The following ZNF77 variants were observed in gnomAD, a reference collection of about 807,000 sequenced individuals.
ZNF77 encodes the protein zinc finger protein 77.
A neutral mutation model predicts 13.5 loss-of-function variants in ZNF77; 15 were observed. The ratio of observed to expected loss-of-function variants is 1.11; its 90% CI spans 0.74 to 1.71. ZNF77 has a LOEUF of 1.71. Among genes scored for constraint, ZNF77 ranks in the 40% most tolerant of loss-of-function variants. The probability of loss-of-function intolerance (pLI) is 0.00; values close to 1 mark genes in which losing one functional copy is unlikely to be tolerated. For synonymous variants in ZNF77, 282 were observed against 250.0 expected (o/e 1.13, Z -1.21); for missense variants, 717 against 676.4 (o/e 1.06, Z -0.67).
At chr19:2,937,165 T>A (rs2088405037) in intron 2 of ZNF77, among the ~76,000 whole-genome samples, 1 of 151,898 alleles carries the variant, frequency 6.6e-6, no homozygotes, top group Non-Finnish European at 1.5e-5. Context: ...CTGCAGCCTG[T>A]GTGACAGAGT....
chr19:2,933,568 T>C lies in ZNF77; in HGVS notation c.1559A>G (p.Tyr520Cys), dbSNP rs1158296460. 3 of 1,613,154 alleles carry C rather than the reference T, an allele frequency of 1.9e-6. No individual in the cohort carries two copies. The highest frequency in any genetic ancestry group is 4.5e-5 in the East Asian group (2 of 44,848). The change falls in exon 4 of 4, where the codon TAT becomes TGT. Residue 520 changes from tyrosine (Y) to cysteine (C), a missense_variant. Physicochemically the swap from Tyr to Cys is radical, Grantham distance 194. Coordinates refer to ENST00000314531, the MANE Select transcript of ZNF77 (RefSeq NM_021217.3). ...HVRTHTGERP[Y>C]ECKQCGKTFR... ...GGTTTTCCCACACTGCTTGCATTCA[T>C]ACGGTCTCTCTCCAGTGTGCGTTCT... is the stretch of plus-strand genomic sequence containing the variant.
At chr19:2,942,574 A>G (rs2088459688) in intron 1 of ZNF77, among the ~76,000 whole-genome samples, 1 of 151,874 alleles carries the variant, frequency 6.6e-6, no homozygotes, top group South Asian at 2.1e-4. Context: ...AACAATACCA[A>G]TGCTGAGCTG....
chr19:2,936,764 C>T lies in ZNF77; in HGVS notation c.131-60G>A, dbSNP rs919993573. On this transcript the variant is annotated intron_variant, in intron 2 of 3. Transcript: ENST00000314531. ...ATATGTTGGGATAAAGGAAATAGAC[C>T]ACATACGGATTTCTTTTCATATAGT... 27 of 1,474,602 alleles carry T rather than the reference C, an allele frequency of 1.8e-5. No homozygotes were observed. In the Admixed American group the frequency reaches 4.0e-4, roughly 22 times the overall value. 91.3% of individuals were successfully genotyped at this position (1,474,602 alleles called of 1,614,324 possible). A position where few individuals can be genotyped will look rare whatever the true frequency, so the allele number is the denominator to read the frequency against.
chr19:2,938,686 G>A (rs957921724), intron 2 of ZNF77, among the ~76,000 whole-genome samples: 3 of 152,212 alleles, frequency 2.0e-5, no homozygotes, highest in Admixed American at 6.5e-5. Flanking sequence ...GCCGGGCGCG[G>A]TGGCTCACGC....
intron 3 of ZNF77, among the ~76,000 whole-genome samples, chr19:2,936,197 GA>G (rs1388772826): frequency 6.6e-6 from 1 of 151,816 alleles, no homozygotes; most frequent in Non-Finnish European, 1.5e-5. Context: ...GCCCAGGCTG[GA>G]GTGCAATGGT....
chr19:2,944,300 C>T (rs773037769), intron 1 of ZNF77, among the ~76,000 whole-genome samples: 22 of 144,008 alleles, frequency 1.5e-4, no homozygotes, highest in Admixed American at 2.1e-4. Context: ...CCGACTGCAG[C>T]TACTGTCCCC....
intron 1 of ZNF77, among the ~76,000 whole-genome samples, chr19:2,943,814 A>G (rs2088472413): frequency 6.9e-6 from 1 of 145,340 alleles, no homozygotes; most frequent in Non-Finnish European, 1.5e-5. Context: ...GGTTCACGCC[A>G]TTCTCCTGTC....
Position 2,934,124 on chromosome 19 carries a change from A to G in ZNF77, c.1003T>C (p.Cys335Arg). The G allele has an allele frequency of 6.2e-7, 1 of 1,613,824 alleles. No individual in the cohort carries two copies. Among genetic ancestry groups the G allele is most frequent in the Non-Finnish European group, 8.5e-7 (1 of 1,179,946 alleles). The change falls in exon 4 of 4, where the codon TGT (cysteine) becomes CGT (arginine). Residue 335 changes from cysteine (C) to arginine (R), a missense_variant. Physicochemically the swap from Cys to Arg is radical, Grantham distance 180. Coordinates refer to ENST00000314531, the MANE Select transcript of ZNF77 (RefSeq NM_021217.3). ...CCATGTTCTCGAAGAGACGAGTAACAAGTGAACGCTTTTCCGCAATGTTTA... is the reference window on the plus strand; with the variant it reads ...CCATGTTCTCGAAGAGACGAGTAACGAGTGAACGCTTTTCCGCAATGTTTA... ...QCKHCGKAFT[C>R]YSSLREHGRT...
At position 2,934,438 on chromosome 19, in the gene ZNF77, T is replaced by A. The variant is rs201716697; in HGVS notation, c.689A>T (p.His230Leu). Reference sequence around the variant, plus strand: ...TTTCTGCCCATGATGACTATTCACATGTCCCCTGAAAGATGAGGGACAAAT... The same window carrying A: ...TTTCTGCCCATGATGACTATTCACAAGTCCCCTGAAAGATGAGGGACAAAT... ...AFICPSSFRG[H>L]VNSHHGQKTH... Residue 230 changes from histidine to leucine, a missense_variant, in exon 4 of 4, where the codon CAT becomes CTT. Coordinates refer to ENST00000314531, the MANE Select transcript of ZNF77 (RefSeq NM_021217.3). 25 of 1,614,234 alleles carry A rather than the reference T, an allele frequency of 1.5e-5. No individual in the cohort carries two copies. Among genetic ancestry groups the A allele is most frequent in the Middle Eastern group, 1.6e-4 (1 of 6,062 alleles).
Position 2,936,662 on chromosome 19 carries a change from C to T in ZNF77, c.173G>A (p.Arg58Lys), listed in dbSNP as rs139544741. Residue 58 changes from arginine (R) to lysine (K), a missense_variant, in exon 3 of 4, where the codon AGG (arginine) becomes AAG (lysine). Physicochemically the swap from Arg to Lys is conservative, Grantham distance 26. Coordinates refer to ENST00000314531, the MANE Select transcript of ZNF77 (RefSeq NM_021217.3). ...GGATATTCCATTCCCAAAAACGTCC[C>T]TCTGAGAACTTGATCCACTGGTTCT... Reference protein sequence around the residue: ...YVRTSGSSSQRDVFGNGISND... With the variant: ...YVRTSGSSSQKDVFGNGISND... 252 of 1,609,322 alleles carry T rather than the reference C, an allele frequency of 1.6e-4. 3 individuals carry two copies. The highest frequency in any genetic ancestry group is 1.2e-3 in the Middle Eastern group (7 of 6,056).
At position 2,934,288 on chromosome 19, in the gene ZNF77, G is replaced by A. The variant is rs1360192945; in HGVS notation, c.839C>T (p.Pro280Leu). 41 of 1,612,872 alleles carry A rather than the reference G, an allele frequency of 2.5e-5. No homozygotes were observed. The highest frequency in any genetic ancestry group is 3.4e-5 in the Non-Finnish European group (40 of 1,179,350). Residue 280 changes from proline (P) to leucine (L), a missense_variant, in exon 4 of 4, where the codon CCC becomes CTC. By Grantham distance (98) the Pro-to-Leu change is moderately conservative. Transcript: ENST00000314531. ...TCTGACATGTTCTCGAAAGTATGAG[G>A]GACAGCTGAAGGCTTTCCCACACTC... The part of the protein sequence containing the change: ...CKECGKAFSC[P>L]SYFREHVRTH...
At position 2,933,789 on chromosome 19, in the gene ZNF77, G is replaced by A. The variant is rs759849366; in HGVS notation, c.1338C>T (p.Ser446=). ...CATGCTCTCGAAGGGAGGAGTGACA[G>A]CTGAAGGCTTTCCCACAATGCTTAC... ...FECKHCGKAF[S]CHSSLREHVR... is the part of the protein sequence containing the mutation. Residue 446 remains serine, a synonymous_variant, in exon 4 of 4, where the codon AGC becomes AGT. Transcript: ENST00000314531. 6.2e-7 allele frequency: 1 copy of A among 1,613,016 alleles called. No homozygotes were observed. The highest frequency in any genetic ancestry group is 1.1e-5 in the South Asian group (1 of 91,062).
Position 2,944,934 on chromosome 19 carries a change from A to G in ZNF77, c.-94T>C. ...ACAGGACACCTGAGCCGCTCGGGGTAGGCGGGGAAGCGCGCAAGGCAGAGG... is the reference window on the plus strand; with the variant it reads ...ACAGGACACCTGAGCCGCTCGGGGTGGGCGGGGAAGCGCGCAAGGCAGAGG... On this transcript the variant is annotated 5_prime_UTR_variant, in exon 1 of 4. Transcript: ENST00000314531. 6.9e-7 allele frequency: 1 copy of G among 1,439,928 alleles called. No individual in the cohort carries two copies. Among genetic ancestry groups the G allele is most frequent in the African/African-American group, 1.5e-5 (1 of 68,236 alleles). 89.2% of individuals were successfully genotyped at this position (1,439,928 alleles called of 1,614,324 possible). A position where few individuals can be genotyped will look rare whatever the true frequency, so the allele number is the denominator to read the frequency against.
rs556719553 is a variant in ZNF77 at position 2,934,746 on chromosome 19, C to T, written c.381G>A (p.Ala127=). The T allele has an allele frequency of 2.6e-5, 42 of 1,614,024 alleles. No individual in the cohort carries two copies. The highest frequency in any genetic ancestry group is 6.7e-5 in the Admixed American group (4 of 59,976). Residue 127 remains alanine, a synonymous_variant, in exon 4 of 4, where the codon GCG becomes GCA. Transcript: ENST00000314531. ...GGTAACTCTTGTGCACAAGAAGGTT[C>T]GCAGTCTGGCTCAAGGTCTCTCCGC... ...HQCGETLSQT[A]NLLVHKSYPT...
At chr19:2,935,730 G>A (rs2088390847) in intron 3 of ZNF77, among the ~76,000 whole-genome samples, 1 of 152,126 alleles carries the variant, frequency 6.6e-6, no homozygotes, top group Non-Finnish European at 1.5e-5. Flanking sequence ...CTTAGGAAAA[G>A]TCTCAGCCAG....
chr19:2,943,849 G>A (rs8111333), intron 1 of ZNF77, among the ~76,000 whole-genome samples: 6,556 of 151,442 alleles, frequency 0.043, 472 homozygotes, highest in African/African-American at 0.15. Context: ...AGCTGGGATT[G>A]CAGGCGCCCG....
chr19:2,941,858 C>T (rs775541478), intron 1 of ZNF77, among the ~76,000 whole-genome samples: 65 of 152,134 alleles, frequency 4.3e-4, no homozygotes, highest in Admixed American at 1.0e-3. Context: ...CAATCCACAC[C>T]TTCGCCCACC....
chr19:2,939,416 T>C lies in ZNF77; in HGVS notation c.4-9A>G, dbSNP rs745752843. 6.2e-7 allele frequency: 1 copy of C among 1,613,402 alleles called. No homozygotes were observed. The highest frequency in any genetic ancestry group is 1.1e-5 in the South Asian group (1 of 91,078). On this transcript the variant is annotated splice_polypyrimidine_tract_variant and intron_variant, in intron 1 of 3. Coordinates refer to ENST00000314531, the MANE Select transcript of ZNF77 (RefSeq NM_021217.3). The stretch of plus-strand genomic sequence containing the variant: ...TCAAAGATCACGCAGTCCTAAAACA[T>C]TCCACACATCCCACTTCAGCAAAGG...
chr19:2,944,573 G>A (rs2088479331), intron 1 of ZNF77, among the ~76,000 whole-genome samples: 1 of 151,284 alleles, frequency 6.6e-6, no homozygotes, highest in African/African-American at 2.4e-5. Context: ...GACCACCTCT[G>A]CTGTCCCCAC....
Sources: gnomAD v4.1 joint callset for allele counts (sites outside exome capture counted in the v4.1 genomes callset) on GRCh38, gnomAD v4.1.1 for gene constraint, MANE v1.5 for transcripts, NCBI Gene and HGNC (gene_info 2026-07-23, HGNC 2026-07-21) for gene names.